Variants in IL1RAP observed in about 807,000 individuals in gnomAD.
IL1RAP encodes interleukin-1 receptor accessory protein.
IL1RAP carries 35 observed loss-of-function variants against 60.7 expected under a neutral mutation model. That is an observed-to-expected ratio of 0.58 (90% confidence interval 0.44 to 0.76). The LOEUF is 0.76. IL1RAP is among the 30% of genes least tolerant of loss of function. The pLI, the probability that IL1RAP is intolerant of heterozygous loss-of-function variation, is 0.00. For synonymous variants in IL1RAP, 268 were observed against 250.9 expected (o/e 1.07, Z -0.64); for missense variants, 572 against 693.9 (o/e 0.82, Z 1.97).
rs558223333 is a variant in IL1RAP, at chr3:190,546,135, C to G, written c.-88-9995C>G. Among the ~76,000 whole-genome samples the G allele has an allele frequency of 1.3e-4, 20 of 152,340 alleles. No individual in the cohort carries two copies. In the South Asian group the frequency reaches 3.9e-3, roughly 30 times the overall value. On this transcript the variant is annotated intron_variant, in intron 1 of 11. Transcript: ENST00000447382. ...AGAATAAAATTCCTATTTCCTATTG[C>G]TGTTCTCAGCCCAGGGTTTTAAGGG...
chr3:190,638,324 A>G (rs1205263272), intron 9 of IL1RAP, among the ~76,000 whole-genome samples: 4 of 152,056 alleles, frequency 2.6e-5, no homozygotes, highest in African/African-American at 9.7e-5. Flanking sequence ...GTATGGTGGT[A>G]TCTTACTGTA....
intron 3 of IL1RAP, among the ~76,000 whole-genome samples, chr3:190,595,577 A>T (rs2108730036): frequency 6.6e-6 from 1 of 152,244 alleles, no homozygotes; most frequent in South Asian, 2.1e-4. Flanking sequence ...ACCAAAATTA[A>T]CGTCAAACCA....
chr3:190,642,142 C>G (rs1300005871), intron 9 of IL1RAP: 1 of 152,156 alleles, frequency 6.6e-6, no homozygotes, highest in African/African-American at 2.4e-5. Flanking sequence ...GAATAGATGC[C>G]TTTTTAAAAA....
chr3:190,613,959 A>ACTT (rs1731047259), intron 5 of IL1RAP, among the ~76,000 whole-genome samples: 2 of 152,026 alleles, frequency 1.3e-5, no homozygotes, highest in African/African-American at 4.8e-5. Context: ...TAATCCTAAG[A>ACTT]CTTCTGCCAT....
chr3:190,600,064 A>G (rs1234005264), intron 3 of IL1RAP, among the ~76,000 whole-genome samples: 1 of 151,840 alleles, frequency 6.6e-6, no homozygotes, highest in African/African-American at 2.4e-5. Context: ...TTTGTGGTAG[A>G]GGTTTTTCTC....
intron 3 of IL1RAP, among the ~76,000 whole-genome samples, chr3:190,566,612 G>A (rs769225678): frequency 9.9e-5 from 15 of 152,126 alleles, no homozygotes; most frequent in South Asian, 4.1e-4. Flanking sequence ...GCCACATTGC[G>A]TCACCGTGGG....
intron 1 of IL1RAP, among the ~76,000 whole-genome samples, chr3:190,546,040 A>G (rs1352853595): frequency 1.3e-5 from 2 of 152,158 alleles, no homozygotes; most frequent in Non-Finnish European, 2.9e-5. Flanking sequence ...GTCACCTCAC[A>G]CAGAATGTAG....
chr3:190,600,721 G>A lies in IL1RAP; in HGVS notation c.65-3407G>A, dbSNP rs1448048621. ...CTCCTTACTTCAGAGGTGTGGAAAT[G>A]TACAATCTTATACTCGGAGGAGAAC... On this transcript the variant is annotated intron_variant, in intron 3 of 11. Transcript: ENST00000447382. 2.6e-5 allele frequency among the ~76,000 whole-genome samples: 4 copies of A among 152,312 alleles called. No individual in the cohort carries two copies. The South Asian group carries it at 6.2e-4, about 24-fold the overall frequency.
At chr3:190,602,643 G>A (rs1398468360) in intron 3 of IL1RAP, among the ~76,000 whole-genome samples, 2 of 152,108 alleles carry the variant, frequency 1.3e-5, no homozygotes, top group African/African-American at 4.8e-5. Context: ...TTTTTAGGTT[G>A]GATATTGGTG....
chr3:190,646,208 A>G lies in IL1RAP; in HGVS notation c.1345+366A>G, dbSNP rs575972003. On this transcript the variant is annotated intron_variant, in intron 11 of 11. Transcript: ENST00000447382. ...TCTAGAACTGTTTTACAAGACTGAGAATTTTTTTTTAAAGCAGTTTTATTT... is the reference window on the plus strand; with the variant it reads ...TCTAGAACTGTTTTACAAGACTGAGGATTTTTTTTTAAAGCAGTTTTATTT... 4.6e-5 allele frequency among the ~76,000 whole-genome samples: 7 copies of G among 151,052 alleles called. No homozygotes were observed. The South Asian group carries it at 1.5e-3, about 32-fold the overall frequency.
At chr3:190,577,503 G>A (rs1400862161) in intron 3 of IL1RAP, among the ~76,000 whole-genome samples, 1 of 152,086 alleles carries the variant, frequency 6.6e-6, no homozygotes, top group African/African-American at 2.4e-5. Flanking sequence ...CGCCACTCTG[G>A]TCATGCATGT....
intron 3 of IL1RAP, among the ~76,000 whole-genome samples, chr3:190,592,680 C>G (rs1024610751): frequency 6.6e-6 from 1 of 152,170 alleles, no homozygotes; most frequent in Admixed American, 6.5e-5. Context: ...CTCGGAGGTG[C>G]TAAAATATTC....
intron 3 of IL1RAP, among the ~76,000 whole-genome samples, chr3:190,582,747 C>T (rs1274418297): frequency 6.6e-6 from 1 of 152,188 alleles, no homozygotes; most frequent in Non-Finnish European, 1.5e-5. Context: ...GGTGTCTCCT[C>T]TGTGGAAAAC....
Position 190,604,354 on chromosome 3 carries a change from T to G in IL1RAP, c.291T>G (p.Asp97Glu). 2 of 1,613,780 alleles carry G rather than the reference T, an allele frequency of 1.2e-6. No individual in the cohort carries two copies. The highest frequency in any genetic ancestry group is 1.7e-6 in the Non-Finnish European group (2 of 1,179,954). The change falls in exon 4 of 12, where the codon GAT (aspartate) becomes GAG (glutamate). Residue 97 changes from aspartate (D) to glutamate (E), a missense_variant. By Grantham distance (45) the Asp-to-Glu change is conservative. Coordinates refer to ENST00000447382, the MANE Select transcript of IL1RAP (RefSeq NM_002182.4). The stretch of plus-strand genomic sequence containing the variant: ...AGAACCGCATTAGTAAGGAGAAAGA[T>G]GTGCTGTGGTTCCGGCCCACTCTCC... ...LPENRISKEK[D>E]VLWFRPTLLN...
chr3:190,584,196 G>A (rs1340208465), intron 3 of IL1RAP, among the ~76,000 whole-genome samples: 1 of 152,190 alleles, frequency 6.6e-6, no homozygotes, highest in Non-Finnish European at 1.5e-5. Context: ...ATTATCATAT[G>A]TTTGAGAAGT....
chr3:190,567,834 A>AT, intron 3 of IL1RAP, among the ~76,000 whole-genome samples: 1 of 152,234 alleles, frequency 6.6e-6, no homozygotes, highest in East Asian at 1.9e-4. Flanking sequence ...TTTGCTTATT[A>AT]TAGTATTAAA....
downstream of IL1RAP, chr3:190,655,993 A>C (rs1734608089): frequency 6.5e-7 from 1 of 1,537,120 alleles, no homozygotes. Context: ...GCTGGAGTTT[A>C]AACTGGGTGT....
intron 3 of IL1RAP, among the ~76,000 whole-genome samples, chr3:190,583,370 T>G (rs1228017351): frequency 6.6e-6 from 1 of 152,248 alleles, no homozygotes. Flanking sequence ...GATTATTTTG[T>G]ATGAGATAAC....
At chr3:190,550,045 T>G (rs1724727808) in intron 1 of IL1RAP, among the ~76,000 whole-genome samples, 1 of 152,180 alleles carries the variant, frequency 6.6e-6, no homozygotes, top group South Asian at 2.1e-4. Flanking sequence ...CTTGCATCTC[T>G]GAGTCCTGGC....
Sources: gnomAD v4.1 joint callset for allele counts (sites outside exome capture counted in the v4.1 genomes callset) on GRCh38, gnomAD v4.1.1 for gene constraint, MANE v1.5 for transcripts, NCBI Gene and HGNC (gene_info 2026-07-23, HGNC 2026-07-21) for gene names.